The following DISP1 variants were observed in gnomAD, a reference collection of about 807,000 sequenced individuals.
The protein encoded by DISP1 is protein dispatched homolog 1.
A neutral mutation model predicts 37.3 loss-of-function variants in DISP1; 30 were observed. The ratio of observed to expected loss-of-function variants is 0.80; its 90% confidence interval spans 0.60 to 1.09. DISP1 has a LOEUF of 1.09. Ranked by LOEUF, DISP1 falls within the 50% of genes least tolerant of loss-of-function variation. The probability of loss-of-function intolerance (pLI) is 0.00; values close to 1 mark genes in which losing one functional copy is unlikely to be tolerated. For missense variants in DISP1, 1,598 were observed against 1,879.5 expected (o/e 0.85, Z 2.77); for synonymous variants, 634 against 690.2 (o/e 0.92, Z 1.28).
intron 3 of DISP1, among the ~76,000 whole-genome samples, chr1:222,956,394 C>A (rs915613000): frequency 6.6e-6 from 1 of 152,164 alleles, no homozygotes; most frequent in African/African-American, 2.4e-5. Context: ...AGCAAGAAAT[C>A]AGATTAATGA....
At chr1:222,944,071 G>C (rs1674584611) in intron 3 of DISP1, among the ~76,000 whole-genome samples, 1 of 151,976 alleles carries the variant, frequency 6.6e-6, no homozygotes, top group Admixed American at 6.6e-5. Flanking sequence ...AAAACACCTT[G>C]CCTCCTCATG....
chr1:222,834,333 T>C (rs1395713985), intron 1 of DISP1, among the ~76,000 whole-genome samples: 1 of 152,040 alleles, frequency 6.6e-6, no homozygotes, highest in African/African-American at 2.4e-5. Flanking sequence ...AGAGGGTGGG[T>C]GGTTACAGTG....
chr1:222,974,481 T>C (rs766747464), intron 3 of DISP1, among the ~76,000 whole-genome samples: 3 of 152,228 alleles, frequency 2.0e-5, no homozygotes, highest in Non-Finnish European at 2.9e-5. Context: ...ATAAAGTACG[T>C]AGTATTTACA....
intron 1 of DISP1, among the ~76,000 whole-genome samples, chr1:222,913,955 T>C (rs1243998218): frequency 6.6e-6 from 1 of 150,386 alleles, no homozygotes; most frequent in African/African-American, 2.4e-5. Flanking sequence ...AAAAAATGGG[T>C]AGGATCTGCT....
chr1:222,950,759 C>T (rs1244885808), intron 3 of DISP1, among the ~76,000 whole-genome samples: 3 of 152,180 alleles, frequency 2.0e-5, no homozygotes, highest in Non-Finnish European at 4.4e-5. Flanking sequence ...CAGTCACATT[C>T]CACGTGTGCT....
intron 3 of DISP1, among the ~76,000 whole-genome samples, chr1:222,965,445 C>T (rs1227782787): frequency 6.6e-6 from 1 of 152,086 alleles, no homozygotes; most frequent in African/African-American, 2.4e-5. Context: ...AGTCTAACTT[C>T]TTCTGTCACC....
intron 1 of DISP1, among the ~76,000 whole-genome samples, chr1:222,907,262 G>A (rs1002008246): frequency 4.6e-5 from 7 of 152,184 alleles, no homozygotes; most frequent in African/African-American, 1.7e-4. Context: ...GTTCGCTTTA[G>A]TATGAGAGCC....
At chr1:222,947,556 G>T (rs1409537083) in intron 3 of DISP1, among the ~76,000 whole-genome samples, 1 of 152,098 alleles carries the variant, frequency 6.6e-6, no homozygotes, top group Non-Finnish European at 1.5e-5. Context: ...GTTCTTTTGG[G>T]TATATGCTCA....
chr1:222,843,033 T>G (rs1486566052), intron 1 of DISP1, among the ~76,000 whole-genome samples: 1 of 152,062 alleles, frequency 6.6e-6, no homozygotes, highest in Non-Finnish European at 1.5e-5. Flanking sequence ...GGAATGCATC[T>G]TCCTTGAATT....
At chr1:223,000,425 C>A (rs1679351786) in intron 8 of DISP1, among the ~76,000 whole-genome samples, 1 of 152,126 alleles carries the variant, frequency 6.6e-6, no homozygotes, top group Non-Finnish European at 1.5e-5. Flanking sequence ...TATGAATTAT[C>A]CTAGTTTATG....
At chr1:222,927,889 C>A (rs1276288414) in intron 1 of DISP1, among the ~76,000 whole-genome samples, 1 of 152,170 alleles carries the variant, frequency 6.6e-6, no homozygotes, top group Non-Finnish European at 1.5e-5. Flanking sequence ...ACACTTAAAA[C>A]TACTCTAACA....
At chr1:222,857,267 T>TA (rs957076682) in intron 1 of DISP1, among the ~76,000 whole-genome samples, 4 of 151,132 alleles carry the variant, frequency 2.6e-5, no homozygotes, top group African/African-American at 4.9e-5. Flanking sequence ...ACTACATATC[T>TA]AAAAAAAAGA....
intron 4 of DISP1, among the ~76,000 whole-genome samples, chr1:222,984,702 T>C (rs1678146003): frequency 6.6e-6 from 1 of 152,078 alleles, no homozygotes; most frequent in South Asian, 2.1e-4. Flanking sequence ...TACATTCACA[T>C]TGTTGTCTAA....
intron 1 of DISP1, among the ~76,000 whole-genome samples, chr1:222,831,784 T>A (rs1233494971): frequency 6.6e-6 from 1 of 151,934 alleles, no homozygotes; most frequent in Non-Finnish European, 1.5e-5. Flanking sequence ...GAGGGACCAG[T>A]TTGGTTATAA....
intron 1 of DISP1, among the ~76,000 whole-genome samples, chr1:222,847,827 A>G (rs1347472103): frequency 6.6e-6 from 1 of 152,220 alleles, no homozygotes; most frequent in Non-Finnish European, 1.5e-5. Flanking sequence ...GTTAAAAATA[A>G]TAGAAGAAAG....
rs67660273 is a variant in DISP1 at position 222,984,435 on chromosome 1, T to TATATATATATATATATAGAGAG, written c.539+1327_539+1328insTATATATATATATATAGAGAGA. 1.0e-4 allele frequency among the ~76,000 whole-genome samples: 11 copies of TATATATATATATATATAGAGAG among 108,372 alleles called. No individual in the cohort carries two copies. The East Asian group carries it at 1.0e-3, about 10-fold the overall frequency. 71.1% of individuals were successfully genotyped at this position (108,372 alleles called of 152,430 possible). On this transcript the variant is annotated intron_variant, in intron 4 of 8. Coordinates refer to ENST00000675850, the MANE Select transcript of DISP1 (RefSeq NM_001377229.1). ...AAAAAAAAAAAAATATATATATATA[T>TATATATATATATATATAGAGAG]AGAGAGAGAGAGAGAGAGAGAGAGC...
chr1:222,956,355 G>A (rs902099053), intron 3 of DISP1, among the ~76,000 whole-genome samples: 5 of 152,122 alleles, frequency 3.3e-5, no homozygotes, highest in African/African-American at 9.7e-5. Flanking sequence ...TTACTGTGAC[G>A]GATTTTCTCC....
At chr1:222,966,238 A>T (rs1014673848) in intron 3 of DISP1, among the ~76,000 whole-genome samples, 1 of 152,192 alleles carries the variant, frequency 6.6e-6, no homozygotes, top group African/African-American at 2.4e-5. Context: ...CTTGGAAAGA[A>T]ACTAAAATGT....
intron 1 of DISP1, among the ~76,000 whole-genome samples, chr1:222,819,519 C>CAT (rs1662205879): frequency 1.5e-5 from 2 of 137,502 alleles, no homozygotes; most frequent in Admixed American, 1.5e-4. Flanking sequence ...TATACATACA[C>CAT]ACACACACAC....
Sources: allele counts gnomAD v4.1 joint callset (sites outside exome capture counted in the v4.1 genomes callset), GRCh38; gene constraint gnomAD v4.1.1; transcripts MANE v1.5; gene names NCBI Gene and HGNC (gene_info 2026-07-23, HGNC 2026-07-21).